Variants in EPC1 observed in about 807,000 individuals in gnomAD.
The protein encoded by EPC1 is enhancer of polycomb 1.
Under a neutral mutation model 98.4 loss-of-function variants are expected in EPC1, and 12 were observed. The observed-to-expected ratio is 0.12, with a 90% CI of 0.08 to 0.20. EPC1 has a LOEUF of 0.20. Among genes scored for constraint, EPC1 ranks in the 10% least tolerant of loss-of-function variants. The pLI is 1.00. For missense variants in EPC1, 729 were observed against 990.5 expected (o/e 0.74, Z 3.54); for synonymous variants, 357 against 363.9 (o/e 0.98, Z 0.21).
intron 1 of EPC1, among the ~76,000 whole-genome samples, chr10:32,334,867 G>A (rs892029169): frequency 1.3e-5 from 2 of 152,144 alleles, no homozygotes; most frequent in Non-Finnish European, 2.9e-5. Context: ...TTTCCAGAAT[G>A]TCTCCATAGT....
chr10:32,278,909 C>T (rs1836248667), intron 10 of EPC1, among the ~76,000 whole-genome samples: 2 of 152,180 alleles, frequency 1.3e-5, no homozygotes, highest in African/African-American at 4.8e-5. Flanking sequence ...AATGACTGAA[C>T]ATGAGATTAT....
chr10:32,345,329 C>T, intron 1 of EPC1: 5 of 985,440 alleles, frequency 5.1e-6, no homozygotes, highest in Non-Finnish European at 4.8e-6. Context: ...TCAAAAGTAA[C>T]ATTTCACTGT....
At chr10:32,276,034 C>T (rs2132653999) in intron 10 of EPC1, among the ~76,000 whole-genome samples, 1 of 152,054 alleles carries the variant, frequency 6.6e-6, no homozygotes, top group African/African-American at 2.4e-5. Flanking sequence ...GAAATTTTTC[C>T]TGGACACTTT....
intron 4 of EPC1, 121 bp from the exon 5 acceptor site, chr10:32,292,765 A>G: frequency 1.0e-6 from 1 of 1,004,692 alleles, no homozygotes; most frequent in Non-Finnish European, 1.4e-6. Context: ...AATAAAAGGG[A>G]GCACAGATCA....
intron 10 of EPC1, chr10:32,283,339 C>G (rs1836507196): frequency 6.6e-6 from 1 of 151,266 alleles, no homozygotes; most frequent in African/African-American, 2.4e-5. Context: ...TTTTTTGAAA[C>G]AGGGTTTTGC....
chr10:32,290,484 A>T (rs199995124), intron 6 of EPC1, among the ~76,000 whole-genome samples: 58 of 4,654 alleles, frequency 0.012, 5 homozygotes, highest in East Asian at 0.067. Context: ...AGACTCTGTC[A>T]AAAAAAAAAA....
chr10:32,363,964 G>C (rs1225286520), intron 1 of EPC1, among the ~76,000 whole-genome samples: 1 of 119,116 alleles, frequency 8.4e-6, no homozygotes, highest in South Asian at 3.0e-4. Context: ...CAGAGAAAAA[G>C]TCTAATTTTA....
chr10:32,370,987 A>G (rs1031245379), intron 1 of EPC1, among the ~76,000 whole-genome samples: 10 of 152,302 alleles, frequency 6.6e-5, no homozygotes, highest in Admixed American at 4.6e-4. Flanking sequence ...CTTCTTGAGA[A>G]GACCTCCAAT....
chr10:32,287,106 G>C lies in EPC1; in HGVS notation c.1144C>G (p.Leu382Val). 6.2e-7 allele frequency: 1 copy of C among 1,614,148 alleles called. No homozygotes were observed. Among genetic ancestry groups the C allele is most frequent in the Non-Finnish European group, 8.5e-7 (1 of 1,180,028 alleles). The change falls in exon 7 of 14, where the codon CTC becomes GTC. Residue 382 changes from leucine (L) to valine (V), a missense_variant. By Grantham distance (32) the Leu-to-Val change is conservative. Transcript: ENST00000319778. Reference sequence around the variant, plus strand: ...GAGAATTGTATTTGTACCTGGGAGAGAGGTTCTTCGTCTGAGCTGGGAAAG... The same window carrying C: ...GAGAATTGTATTTGTACCTGGGAGACAGGTTCTTCGTCTGAGCTGGGAAAG... ...YDFPSSDEEP[L>V]SQVLSGSSEA...
intron 1 of EPC1, among the ~76,000 whole-genome samples, chr10:32,335,396 C>G (rs1837895817): frequency 6.6e-6 from 1 of 152,086 alleles, no homozygotes; most frequent in South Asian, 2.1e-4. Flanking sequence ...TACATTCATT[C>G]TCAACTTCTT....
chr10:32,292,767 C>T (rs1834925032), intron 4 of EPC1, 123 bp from the exon 5 acceptor site: 1 of 982,506 alleles, frequency 1.0e-6, no homozygotes, highest in Non-Finnish European at 1.4e-6. Context: ...TAAAAGGGAG[C>T]ACAGATCACC....
rs146574224 is a variant in EPC1 at position 32,378,057 on chromosome 10, T to C, written c.3+434A>G. On this transcript the variant is annotated intron_variant, in intron 1 of 13. Coordinates refer to the EPC1 transcript ENST00000375110. ...CCAAGGGCAGCTTTTCTGTAGTTTG[T>C]ATCCAAGTAATCTATCAAGAGAACC... Among the ~76,000 whole-genome samples the C allele has an allele frequency of 9.9e-3, 1,503 of 152,284 alleles. 21 individuals carry two copies. Among genetic ancestry groups the C allele is most frequent in the African/African-American group, 0.035 (1,434 of 41,558 alleles).
chr10:32,339,194 A>G (rs565874532), intron 1 of EPC1, among the ~76,000 whole-genome samples: 2 of 152,306 alleles, frequency 1.3e-5, no homozygotes, highest in East Asian at 3.9e-4. Flanking sequence ...ACTATTCTCT[A>G]AACACATAAA....
chr10:32,338,950 TA>T (rs869259040), intron 1 of EPC1, among the ~76,000 whole-genome samples: 5 of 52,596 alleles, frequency 9.5e-5, no homozygotes, highest in African/African-American at 1.6e-4. Context: ...AAAAAATAAA[TA>T]AATAAATAAA....
Position 32,347,138 on chromosome 10 carries a change from C to A in EPC1, c.-223G>T, listed in dbSNP as rs921547360. 4.2e-6 allele frequency: 6 copies of A among 1,423,468 alleles called. No homozygotes were observed. The highest frequency in any genetic ancestry group is 5.5e-6 in the Non-Finnish European group (6 of 1,093,010). 88.2% of individuals were successfully genotyped at this position (1,423,468 alleles called of 1,614,324 possible). A position where few individuals can be genotyped will look rare whatever the true frequency, so the allele number is the denominator to read the frequency against. On this transcript the variant is annotated 5_prime_UTR_variant, in exon 1 of 14. Coordinates refer to ENST00000319778, the MANE Select transcript of EPC1 (RefSeq NM_001272004.3). ...CTTCAATACGCCATGGCCAACATGG[C>A]GGACATTAAAACTCCACTGTGCGCT...
intron 5 of EPC1, 115 bp downstream of exon 5, chr10:32,292,379 CTA>C: frequency 5.5e-6 from 4 of 723,764 alleles, no homozygotes; most frequent in East Asian, 3.2e-5. Context: ...TTTAAAGTCT[CTA>C]TTATTAAAAA....
chr10:32,301,429 T>C (rs752907468), intron 2 of EPC1, among the ~76,000 whole-genome samples: 1 of 152,186 alleles, frequency 6.6e-6, no homozygotes, highest in Non-Finnish European at 1.5e-5. Context: ...CATAGACAAG[T>C]TTATTCTAAA....
At chr10:32,273,052 AG>A in intron 11 of EPC1, 110 bp downstream of exon 11, 1 of 1,614,170 alleles carries the variant, frequency 6.2e-7, no homozygotes, top group South Asian at 1.1e-5. Flanking sequence ...TTCAGGCGAA[AG>A]CCACTTTTCT....
intron 1 of EPC1, among the ~76,000 whole-genome samples, chr10:32,311,182 G>A (rs1592582942): frequency 1.3e-5 from 2 of 151,580 alleles, no homozygotes; most frequent in Non-Finnish European, 2.9e-5. Flanking sequence ...GTGTGGTGGT[G>A]GGCGCCTGTA....
Sources: gnomAD v4.1 joint callset for allele counts (sites outside exome capture counted in the v4.1 genomes callset) on GRCh38, gnomAD v4.1.1 for gene constraint, MANE v1.5 for transcripts, NCBI Gene and HGNC (gene_info 2026-07-23, HGNC 2026-07-21) for gene names.